The following CNTN1 variants were observed in gnomAD, a reference collection of about 807,000 sequenced individuals.
The protein encoded by CNTN1 is contactin-1.
CNTN1 carries 38 observed loss-of-function variants against 126.4 expected under a neutral mutation model. That is an observed-to-expected ratio of 0.30 (90% CI 0.23 to 0.39). The LOEUF (loss-of-function observed/expected upper bound fraction) is 0.39, where lower values mean the gene tolerates loss of function less well. CNTN1 is among the 10% of genes least tolerant of loss of function. The pLI is 1.00. For synonymous variants in CNTN1, 413 were observed against 422.6 expected (o/e 0.98, Z 0.28); for missense variants, 1,009 against 1,248.4 (o/e 0.81, Z 2.89).
At chr12:41,043,709 T>C (rs1268769420) in intron 23 of CNTN1, among the ~76,000 whole-genome samples, 1 of 152,054 alleles carries the variant, frequency 6.6e-6, no homozygotes, top group African/African-American at 2.4e-5. Context: ...CGTATGTTTA[T>C]AGAGGCACTA....
At chr12:40,745,033 G>T (rs552629041) in intron 1 of CNTN1, among the ~76,000 whole-genome samples, 122 of 152,028 alleles carry the variant, frequency 8.0e-4, no homozygotes, top group Non-Finnish European at 1.3e-3. Flanking sequence ...GATCCATATT[G>T]TCACATAATC....
chr12:40,948,487 C>G (rs925908767), intron 14 of CNTN1, among the ~76,000 whole-genome samples: 4 of 152,018 alleles, frequency 2.6e-5, no homozygotes, highest in African/African-American at 9.7e-5. Context: ...TTGATCTTCA[C>G]AGAAATCCTC....
Position 40,944,123 on chromosome 12 carries a change from G to A in CNTN1, c.1636G>A (p.Val546Met). The A allele has an allele frequency of 6.2e-7, 1 of 1,613,472 alleles. No individual in the cohort carries two copies. The highest frequency in any genetic ancestry group is 8.5e-7 in the Non-Finnish European group (1 of 1,179,620). ...ATTTGTTTGGTCCTTCAATGGCTATGTGATCGATTTTAACAAAGAGAATAT... is the reference window on the plus strand; with the variant it reads ...ATTTGTTTGGTCCTTCAATGGCTATATGATCGATTTTAACAAAGAGAATAT... The part of the protein sequence containing the change: ...LTFVWSFNGY[V>M]IDFNKENIHY... The change falls in exon 14 of 24, where the codon GTG becomes ATG. Residue 546 changes from valine to methionine, a missense_variant. Val to Met is a conservative substitution (Grantham distance 21, BLOSUM62 1). Coordinates refer to ENST00000551295, the MANE Select transcript of CNTN1 (RefSeq NM_001843.4).
chr12:41,002,469 T>C (rs945354052), intron 17 of CNTN1, among the ~76,000 whole-genome samples: 2 of 152,164 alleles, frequency 1.3e-5, no homozygotes, highest in African/African-American at 2.4e-5. Context: ...ATGCTAGAGA[T>C]TTTCCCACAT....
chr12:40,991,721 G>A (rs560308008), intron 16 of CNTN1, among the ~76,000 whole-genome samples: 1 of 152,238 alleles, frequency 6.6e-6, no homozygotes, highest in African/African-American at 2.4e-5. Flanking sequence ...CCAGCTACTC[G>A]GGAGGCTGAG....
In CNTN1 at chr12:40,922,264, T is replaced by C. The variant is rs1945469285; in HGVS notation, c.236T>C (p.Met79Thr). ...ASPFPVYKWR[M>T]NNGDVDLTSD... The stretch of plus-strand genomic sequence containing the variant: ...GTGTCTTTTTCTCATAGATGGAGAA[T>C]GAATAATGGGGACGTTGATCTCACA... The change falls in exon 5 of 24, where the codon ATG becomes ACG. Residue 79 changes from methionine (M) to threonine (T), a missense_variant. Met to Thr is a moderately conservative substitution (Grantham distance 81, BLOSUM62 -1). Transcript: ENST00000551295. The C allele has an allele frequency of 6.2e-7, 1 of 1,613,740 alleles. No homozygotes were observed. Among genetic ancestry groups the C allele is most frequent in the Non-Finnish European group, 8.5e-7 (1 of 1,179,832 alleles).
rs559563371 is a variant in CNTN1 at position 40,930,023 on chromosome 12, A to G, written c.703+21A>G. 4 of 1,576,040 alleles carry G rather than the reference A, an allele frequency of 2.5e-6. No homozygotes were observed. In the African/African-American group the frequency reaches 5.4e-5, roughly 21 times the overall value. Reference sequence around the variant, plus strand: ...TGAACGTAAGTATTTTATTTGTTACACTCTGTTTTCGCAAGGTTATCTACA... The same window carrying G: ...TGAACGTAAGTATTTTATTTGTTACGCTCTGTTTTCGCAAGGTTATCTACA... On this transcript the variant is annotated intron_variant, in intron 7 of 23. Coordinates refer to ENST00000551295, the MANE Select transcript of CNTN1 (RefSeq NM_001843.4).
intron 1 of CNTN1, among the ~76,000 whole-genome samples, chr12:40,858,946 G>A (rs1168849551): frequency 6.6e-6 from 1 of 151,678 alleles, no homozygotes; most frequent in Non-Finnish European, 1.5e-5. Flanking sequence ...ACGGACATAG[G>A]GAGGGGAACA....
intron 16 of CNTN1, among the ~76,000 whole-genome samples, chr12:40,988,731 A>G (rs1355687853): frequency 6.6e-6 from 1 of 152,210 alleles, no homozygotes; most frequent in Non-Finnish European, 1.5e-5. Context: ...TAAAGTAAGA[A>G]CTAAGGTCTC....
chr12:41,016,141 T>TTCTA (rs35861520), intron 18 of CNTN1, among the ~76,000 whole-genome samples: 5,164 of 152,330 alleles, frequency 0.034, 118 homozygotes, highest in Middle Eastern at 0.11. Context: ...TGAAGCCCTG[T>TTCTA]TCTAGGTGCT....
At chr12:41,021,744 G>T (rs1179269172) in intron 20 of CNTN1, among the ~76,000 whole-genome samples, 3 of 151,156 alleles carry the variant, frequency 2.0e-5, no homozygotes, top group African/African-American at 7.3e-5. Flanking sequence ...ACACAGAAGA[G>T]TAGACTGGGA....
chr12:40,911,328 C>T (rs7134389), intron 3 of CNTN1, among the ~76,000 whole-genome samples: 24,756 of 152,062 alleles, frequency 0.16, 3,126 homozygotes, highest in African/African-American at 0.36. Context: ...GATCCGCCCG[C>T]CTTAGCCTCC....
chr12:40,738,296 G>T (rs1162806598), intron 1 of CNTN1, among the ~76,000 whole-genome samples: 1 of 151,954 alleles, frequency 6.6e-6, no homozygotes, highest in Non-Finnish European at 1.5e-5. Flanking sequence ...TTCCACAAAT[G>T]GCACTGGGAA....
chr12:40,968,254 G>A (rs981416967), intron 15 of CNTN1, among the ~76,000 whole-genome samples: 6 of 152,170 alleles, frequency 3.9e-5, no homozygotes, highest in Admixed American at 3.3e-4. Flanking sequence ...AATAATCAGT[G>A]TGGAAAAGCT....
At chr12:40,835,352 T>C (rs957555183) in intron 1 of CNTN1, among the ~76,000 whole-genome samples, 3 of 152,206 alleles carry the variant, frequency 2.0e-5, no homozygotes, top group African/African-American at 7.2e-5. Context: ...GGAATATTTG[T>C]AGGAAGGACT....
intron 3 of CNTN1, among the ~76,000 whole-genome samples, chr12:40,910,935 T>C (rs1945002269): frequency 6.6e-6 from 1 of 152,184 alleles, no homozygotes; most frequent in Non-Finnish European, 1.5e-5. Flanking sequence ...CAAATCAAGG[T>C]TACCCATTGT....
chr12:40,881,938 G>A (rs1224624027), intron 1 of CNTN1, among the ~76,000 whole-genome samples: 2 of 151,768 alleles, frequency 1.3e-5, no homozygotes, highest in Non-Finnish European at 3.0e-5. Context: ...TTTTGTATAT[G>A]TTTAGTGATT....
chr12:40,962,753 C>T (rs1007618346), intron 15 of CNTN1, among the ~76,000 whole-genome samples: 1 of 152,010 alleles, frequency 6.6e-6, no homozygotes, highest in African/African-American at 2.4e-5. Context: ...GGAAAAGAGG[C>T]CAGTAAAGTT....
intron 1 of CNTN1, among the ~76,000 whole-genome samples, chr12:40,870,233 A>G (rs577804150): frequency 6.6e-6 from 1 of 152,174 alleles, no homozygotes; most frequent in African/African-American, 2.4e-5. Context: ...AAATTGACCA[A>G]TACATACAGG....
Sources: gnomAD v4.1 joint callset for allele counts (sites outside exome capture counted in the v4.1 genomes callset) on GRCh38, gnomAD v4.1.1 for gene constraint, MANE v1.5 for transcripts, NCBI Gene and HGNC (gene_info 2026-07-23, HGNC 2026-07-21) for gene names.